The following SVIL variants were observed in gnomAD, a reference collection of about 807,000 sequenced individuals.
The protein encoded by SVIL is supervillin.
SVIL carries 101 observed loss-of-function variants against 240.4 expected under a neutral mutation model. The observed-to-expected ratio is 0.42, with a 90% CI of 0.36 to 0.50. The LOEUF is 0.50. SVIL is among the 20% of genes least tolerant of loss of function. The probability of loss-of-function intolerance (pLI) is 0.01; values close to 1 mark genes in which losing one functional copy is unlikely to be tolerated. For missense variants in SVIL, 2,512 were observed against 2,818.7 expected (o/e 0.89, Z 2.46); for synonymous variants, 999 against 1,100.0 (o/e 0.91, Z 1.82).
At chr10:29,632,785 G>C (rs1375741757) in intron 1 of SVIL, among the ~76,000 whole-genome samples, 1 of 152,110 alleles carries the variant, frequency 6.6e-6, no homozygotes, top group Non-Finnish European at 1.5e-5. Flanking sequence ...TACTACAATA[G>C]CTTGTATAAC....
intron 29 of SVIL, among the ~76,000 whole-genome samples, chr10:29,479,903 G>GT (rs1946641855): frequency 6.6e-6 from 1 of 152,194 alleles, no homozygotes; most frequent in Non-Finnish European, 1.5e-5. Context: ...TGAAAGGGAT[G>GT]ATTTCTCCAG....
At chr10:29,677,769 G>A (rs1392096346) in intron 2 of SVIL, among the ~76,000 whole-genome samples, 1 of 152,044 alleles carries the variant, frequency 6.6e-6, no homozygotes, top group Non-Finnish European at 1.5e-5. Flanking sequence ...AATTCCATAA[G>A]GAAAGAGGGA....
At chr10:29,695,544 C>A (rs1961862655) in intron 1 of SVIL, among the ~76,000 whole-genome samples, 1 of 151,940 alleles carries the variant, frequency 6.6e-6, no homozygotes, top group South Asian at 2.1e-4. Context: ...TCAGGAGTTT[C>A]AGACCAGCCT....
intron 3 of SVIL, among the ~76,000 whole-genome samples, chr10:29,640,645 C>T (rs577976352): frequency 6.6e-6 from 1 of 152,202 alleles, no homozygotes; most frequent in Non-Finnish European, 1.5e-5. Context: ...CTGACCGCAA[C>T]CTCCCCATCG....
At chr10:29,652,739 G>C (rs1159628356) in intron 3 of SVIL, among the ~76,000 whole-genome samples, 1 of 152,082 alleles carries the variant, frequency 6.6e-6, no homozygotes. Flanking sequence ...CGTCTTTGTG[G>C]GTATGAAGTG....
chr10:29,512,349 G>A (rs1010537681), intron 17 of SVIL, among the ~76,000 whole-genome samples: 1 of 152,190 alleles, frequency 6.6e-6, no homozygotes, highest in Non-Finnish European at 1.5e-5. Context: ...CTCTGCATGG[G>A]AAACACAAGT....
intron 1 of SVIL, among the ~76,000 whole-genome samples, chr10:29,728,216 A>AT (rs1280498607): frequency 1.3e-5 from 2 of 152,194 alleles, no homozygotes; most frequent in Non-Finnish European, 2.9e-5. Context: ...AGAAAAAAAA[A>AT]GCCAACGTGA....
chr10:29,675,393 T>A (rs1247092), intron 2 of SVIL, among the ~76,000 whole-genome samples: 113,282 of 152,180 alleles, frequency 0.74, 42,713 homozygotes, highest in African/African-American at 0.86. Context: ...GGTCCTAGCT[T>A]CTCAGGAGAC....
chr10:29,466,714 T>C (rs1251087570), intron 33 of SVIL, among the ~76,000 whole-genome samples: 3 of 152,190 alleles, frequency 2.0e-5, no homozygotes, highest in Non-Finnish European at 4.4e-5. Context: ...CTTGGGAAAT[T>C]ATTCATTATA....
In SVIL at chr10:29,554,914, C is replaced by A. The variant is rs763913569; in HGVS notation, c.29G>T (p.Arg10Leu). MKRKERIAR[R>L]LEGIENDTQP... ...AGTGTCATTTTCAATCCCTTCCAGG[C>A]GCCTGGCAATTCTTTCTTTTCTGTG... is the stretch of plus-strand genomic sequence containing the variant. The change falls in exon 5 of 38, where the codon CGC (arginine) becomes CTC (leucine). Residue 10 changes from arginine to leucine, a missense_variant. Physicochemically the swap from Arg to Leu is moderately radical, Grantham distance 102. Coordinates refer to ENST00000355867, the MANE Select transcript of SVIL (RefSeq NM_021738.3). 9 of 1,611,838 alleles carry A rather than the reference C, an allele frequency of 5.6e-6. No individual in the cohort carries two copies. Among genetic ancestry groups the A allele is most frequent in the Non-Finnish European group, 7.6e-6 (9 of 1,179,076 alleles).
At chr10:29,603,422 G>GT (rs1381264384) in intron 1 of SVIL, among the ~76,000 whole-genome samples, 3 of 152,206 alleles carry the variant, frequency 2.0e-5, no homozygotes, top group African/African-American at 7.2e-5. Context: ...ATAAAATGCT[G>GT]TATGTACTCA....
rs1964848868 is a variant in SVIL at position 29,735,456 on chromosome 10, G to C, written c.-400+295C>G. On this transcript the variant is annotated intron_variant, in intron 1 of 35. Transcript: ENST00000375400. This position sits in a 1 kb window ranked among gnomAD's most constrained non-coding sequence, Gnocchi z 4.1. The stretch of plus-strand genomic sequence containing the variant: ...CCTGCCCCGGCCCGCTCCTCCCCGA[G>C]GCGCGCTCCGGGGACGGAAGTGGGT... Among the ~76,000 whole-genome samples the C allele has an allele frequency of 6.6e-6, 1 of 151,850 alleles. No homozygotes were observed. Among genetic ancestry groups the C allele is most frequent in the Admixed American group, 6.6e-5 (1 of 15,246 alleles).
chr10:29,678,767 G>T (rs1028668993), intron 2 of SVIL, among the ~76,000 whole-genome samples: 1 of 152,192 alleles, frequency 6.6e-6, no homozygotes, highest in Non-Finnish European at 1.5e-5. Flanking sequence ...ATGTGTGGGG[G>T]ATATTAAAAC....
At chr10:29,487,434 A>T (rs1271930438) in intron 23 of SVIL, 135 bp from the exon 24 acceptor site, 2 of 998,078 alleles carry the variant, frequency 2.0e-6, no homozygotes, top group Non-Finnish European at 2.9e-6. Flanking sequence ...CCCATGGCCC[A>T]GGGTGGCAGC....
At chr10:29,630,760 G>A (rs951859352) in intron 1 of SVIL, among the ~76,000 whole-genome samples, 3 of 152,026 alleles carry the variant, frequency 2.0e-5, no homozygotes, top group Non-Finnish European at 4.4e-5. Flanking sequence ...GAAAAAAAAG[G>A]AGAACTTATA....
intron 1 of SVIL, among the ~76,000 whole-genome samples, chr10:29,700,468 C>CTTTT (rs71281545): frequency 0.36 from 40,373 of 112,272 alleles, 7,449 homozygotes; most frequent in East Asian, 0.57. Flanking sequence ...TTACTATTTC[C>CTTTT]TTTTTTTTTT....
chr10:29,676,312 CCT>C (rs1365255548), intron 2 of SVIL, among the ~76,000 whole-genome samples: 1 of 152,082 alleles, frequency 6.6e-6, no homozygotes, highest in Non-Finnish European at 1.5e-5. Context: ...GGTAACATTA[CCT>C]CTCAGTGTCA....
upstream of SVIL, among the ~76,000 whole-genome samples, chr10:29,636,490 A>G (rs140061427): frequency 5.3e-3 from 811 of 152,332 alleles, 5 homozygotes; most frequent in African/African-American, 0.016. Flanking sequence ...CTGCTTCCCC[A>G]TAGCAACCAA....
chr10:29,550,988 C>T lies in SVIL; in HGVS notation c.436G>A (p.Val146Ile), dbSNP rs765540814. The change falls in exon 6 of 38, where the codon GTC (valine) becomes ATC (isoleucine). Residue 146 changes from valine to isoleucine, a missense_variant. Around this residue, in one of 3 missense-constraint regions of SVIL, gnomAD observed 1,443 missense variants for 1,486.6 expected, o/e 0.97. Transcript: ENST00000355867. Reference protein sequence around the residue: ...YTKSRKEPDAVEKRGGKSDKQ... With the variant: ...YTKSRKEPDAIEKRGGKSDKQ... ...TCACTTTTTCCTCCCCGCTTCTCGACAGCATCAGGCTCCTTCCTGGACTTG... is the reference window on the plus strand; with the variant it reads ...TCACTTTTTCCTCCCCGCTTCTCGATAGCATCAGGCTCCTTCCTGGACTTG... 1 of 1,614,184 alleles carries T rather than the reference C, an allele frequency of 6.2e-7. No homozygotes were observed. The highest frequency in any genetic ancestry group is 1.7e-5 in the Admixed American group (1 of 60,024).
Sources: gnomAD v4.1 joint callset for allele counts (sites outside exome capture counted in the v4.1 genomes callset) on GRCh38, gnomAD v4.1.1 for gene constraint, gnomAD v4.1.1 regional missense constraint, Gnocchi (gnomAD v3.1) non-coding constraint, MANE v1.5 for transcripts, NCBI Gene and HGNC (gene_info 2026-07-23, HGNC 2026-07-21) for gene names.